Variants in ARHGEF18 observed in about 807,000 individuals in gnomAD.
ARHGEF18 encodes the protein rho guanine nucleotide exchange factor 18.
A neutral mutation model predicts 155.7 loss-of-function variants in ARHGEF18; 93 were observed. The ratio of observed to expected loss-of-function variants is 0.60; its 90% CI spans 0.50 to 0.71. The LOEUF (loss-of-function observed/expected upper bound fraction) is 0.71, where lower values mean the gene tolerates loss of function less well. ARHGEF18 is among the 30% of genes least tolerant of loss of function. The probability of loss-of-function intolerance (pLI) is 0.00; values close to 1 mark genes in which losing one functional copy is unlikely to be tolerated. For synonymous variants in ARHGEF18, 742 were observed against 753.1 expected (o/e 0.99, Z 0.24); for missense variants, 1,593 against 1,816.1 (o/e 0.88, Z 2.23).
chr19:7,370,590 A>G (rs2145393002), intron 2 of ARHGEF18, among the ~76,000 whole-genome samples: 1 of 152,306 alleles, frequency 6.6e-6, no homozygotes, highest in African/African-American at 2.4e-5. Context: ...TCCCAGAAGA[A>G]CTGAGAGCAA....
chr19:7,353,968 A>AAAAAG lies in ARHGEF18; in HGVS notation c.-111+4730_-111+4731insAGAAA, dbSNP rs1555696851. Among the ~76,000 whole-genome samples the AAAAAG allele has an allele frequency of 7.1e-3, 1,076 of 150,896 alleles. 18 individuals carry two copies. Among genetic ancestry groups the AAAAAG allele is most frequent in the African/African-American group, 0.023 (951 of 41,044 alleles). ...AGCAAGACTCTGTCTAAAAAAAAAA[A>AAAAAG]AAAGAAAGAAAGAAAAAGAAAAGAA... On this transcript the variant is annotated intron_variant, in intron 1 of 28. Transcript: ENST00000668164.
chr19:7,352,894 T>C (rs1163197371), intron 1 of ARHGEF18, among the ~76,000 whole-genome samples: 1 of 126,760 alleles, frequency 7.9e-6, no homozygotes, highest in East Asian at 2.7e-4. Flanking sequence ...TGGAGTGCAG[T>C]GGCATGATCT....
Position 7,362,821 on chromosome 19 carries a change from A to G in ARHGEF18, c.-70A>G. On this transcript the variant is annotated 5_prime_UTR_variant, in exon 2 of 29. Coordinates refer to ENST00000668164, the MANE Select transcript of ARHGEF18 (RefSeq NM_001367823.1). ...CATGTGTCCAGCCTTTTGACTCTGGAGCTGTGGCTTCAGCCACCAAGAGCA... is the reference window on the plus strand; with the variant it reads ...CATGTGTCCAGCCTTTTGACTCTGGGGCTGTGGCTTCAGCCACCAAGAGCA... 8.1e-7 allele frequency: 1 copy of G among 1,234,228 alleles called. No individual in the cohort carries two copies. The highest frequency in any genetic ancestry group is 1.0e-6 in the Non-Finnish European group (1 of 988,122). 76.5% of individuals were successfully genotyped at this position (1,234,228 alleles called of 1,614,324 possible).
chr19:7,464,228 G>T (rs1002599478), intron 22 of ARHGEF18, among the ~76,000 whole-genome samples: 1 of 152,028 alleles, frequency 6.6e-6, no homozygotes. Context: ...AGTAGAAATG[G>T]GGTTTCACCA....
rs1970476185 is a variant in ARHGEF18, at chr19:7,376,713, C to T, written c.497C>T (p.Pro166Leu). ...VPVSFYEIRS[P>L]EISPGLEVPT... ...GTGTCCTTCTATGAGATCCGCTCTC[C>T]GGAAATCTCTCCGGGTTTGGAAGTG... The change falls in exon 5 of 29, where the codon CCG becomes CTG. Residue 166 changes from proline (P) to leucine (L), a missense_variant. By Grantham distance (98) the Pro-to-Leu change is moderately conservative. Transcript: ENST00000668164. The T allele has an allele frequency of 9.7e-6, 12 of 1,234,478 alleles. No individual in the cohort carries two copies. In the Admixed American group the frequency reaches 1.7e-4, roughly 17 times the overall value. The allele number at this position is 1,234,478 out of a possible 1,614,324, so 76.5% of individuals were successfully genotyped here.
chr19:7,418,032 G>A (rs766669282), intron 10 of ARHGEF18, among the ~76,000 whole-genome samples: 3 of 152,204 alleles, frequency 2.0e-5, no homozygotes, highest in Non-Finnish European at 2.9e-5. Flanking sequence ...CAGTGAAGAC[G>A]GGTTCCTGGG....
chr19:7,383,661 G>A (rs1050287733), intron 10 of ARHGEF18, among the ~76,000 whole-genome samples: 9 of 152,092 alleles, frequency 5.9e-5, no homozygotes, highest in Non-Finnish European at 1.2e-4. Flanking sequence ...CCCTGTCTGT[G>A]TCCCAGTTTC....
At chr19:7,472,691 CT>C, downstream of ARHGEF18, 1 of 291,570 alleles carries the variant, frequency 3.4e-6, no homozygotes, top group Non-Finnish European at 6.7e-6. Flanking sequence ...GTTTTTGTTT[CT>C]GTTTTTTTGG....
At chr19:7,453,142 A>T (rs1364849055) in intron 16 of ARHGEF18, among the ~76,000 whole-genome samples, 3 of 152,006 alleles carry the variant, frequency 2.0e-5, no homozygotes, top group Non-Finnish European at 4.4e-5. Context: ...GGTTGCAGTG[A>T]GCTGAGATTG....
At chr19:7,422,932 T>C (rs1470281381) in intron 10 of ARHGEF18, among the ~76,000 whole-genome samples, 1 of 152,118 alleles carries the variant, frequency 6.6e-6, no homozygotes, top group Non-Finnish European at 1.5e-5. Flanking sequence ...TTGGCCAGGC[T>C]GATCTCAAAC....
At chr19:7,473,094 C>G (rs758426752), downstream of ARHGEF18, 3 of 456,104 alleles carry the variant, frequency 6.6e-6, no homozygotes, top group African/African-American at 6.0e-5. Context: ...CCACAATAAC[C>G]GCAAAGGCTG....
At chr19:7,475,114 T>C (rs1232097687), downstream of ARHGEF18, among the ~76,000 whole-genome samples, 7 of 152,046 alleles carry the variant, frequency 4.6e-5, no homozygotes, top group South Asian at 2.1e-4. Flanking sequence ...GTGCCTGTAG[T>C]CCCAGCTACT....
At chr19:7,353,614 G>T (rs532024127) in intron 1 of ARHGEF18, among the ~76,000 whole-genome samples, 49 of 150,412 alleles carry the variant, frequency 3.3e-4, no homozygotes, top group Non-Finnish European at 6.4e-4. Flanking sequence ...AAAAAGAAAA[G>T]AAAAGAAAAA....
chr19:7,402,463 A>G (rs1187340359), intron 10 of ARHGEF18, among the ~76,000 whole-genome samples: 1 of 152,198 alleles, frequency 6.6e-6, no homozygotes, highest in Non-Finnish European at 1.5e-5. Context: ...GTGATGACAG[A>G]TGCAGAACTC....
In ARHGEF18 at chr19:7,462,630, G is replaced by A. The variant is rs1378472996; in HGVS notation, c.2635+296G>A. The stretch of plus-strand genomic sequence containing the variant: ...GAGGCTCTAAGCCGGGCCGTGGGGA[G>A]GATCTGAAGTTGACTAAGACTGGTT... On this transcript the variant is annotated intron_variant, in intron 21 of 28. Transcript: ENST00000668164. The surrounding 1 kb of genome is among the most constrained non-coding windows in gnomAD (Gnocchi z 4.4). Among the ~76,000 whole-genome samples, 1 of 148,188 alleles carries A rather than the reference G, an allele frequency of 6.7e-6. No homozygotes were observed. The highest frequency in any genetic ancestry group is 1.5e-5 in the Non-Finnish European group (1 of 68,022).
rs1188509936 is a variant in ARHGEF18, at chr19:7,376,681, C to T, written c.465C>T (p.Ser155=). 29 of 1,234,332 alleles carry T rather than the reference C, an allele frequency of 2.3e-5. No homozygotes were observed. Among genetic ancestry groups the T allele is most frequent in the Admixed American group, 8.4e-5 (2 of 23,702 alleles). The allele number at this position is 1,234,332 out of a possible 1,614,324, so 76.5% of individuals were successfully genotyped here. The change falls in exon 5 of 29, where the codon TCC becomes TCT. Residue 155 remains serine (S), a synonymous_variant. Coordinates refer to ENST00000668164, the MANE Select transcript of ARHGEF18 (RefSeq NM_001367823.1). ...DSPKKRGRSR[S]VPVSFYEIRS... ...CCAAGAAAAGAGGGAGGTCAAGGTC[C>T]GTTCCTGTGTCCTTCTATGAGATCC...
intron 10 of ARHGEF18, among the ~76,000 whole-genome samples, chr19:7,414,016 G>A (rs1481624280): frequency 2.6e-5 from 4 of 152,102 alleles, no homozygotes; most frequent in East Asian, 1.9e-4. Context: ...AGTGAGTACC[G>A]GGATGCTTAG....
intron 10 of ARHGEF18, among the ~76,000 whole-genome samples, chr19:7,391,142 G>C (rs943292896): frequency 1.6e-4 from 25 of 152,042 alleles, no homozygotes; most frequent in Non-Finnish European, 3.2e-4. Context: ...GGCATGAAGG[G>C]GCCAAAACAC....
chr19:7,414,852 G>A (rs184108706), intron 10 of ARHGEF18, among the ~76,000 whole-genome samples: 107 of 151,414 alleles, frequency 7.1e-4, no homozygotes, highest in Non-Finnish European at 1.0e-3. Context: ...AAAATTAGCC[G>A]GGTGTGGGGG....
Sources: allele counts gnomAD v4.1 joint callset (sites outside exome capture counted in the v4.1 genomes callset), GRCh38; gene constraint gnomAD v4.1.1; non-coding constraint Gnocchi (gnomAD v3.1); transcripts MANE v1.5; gene names NCBI Gene and HGNC (gene_info 2026-07-23, HGNC 2026-07-21).